DCP1A: variants seen among roughly 807,000 people sequenced by gnomAD.
The protein encoded by DCP1A is mRNA-decapping enzyme 1A.
In DCP1A, 20 loss-of-function variants were observed where a neutral mutation model predicts 58.0. That is an observed-to-expected ratio of 0.34 (90% confidence interval 0.24 to 0.50). DCP1A has a LOEUF of 0.50. Among genes scored for constraint, DCP1A ranks in the 20% least tolerant of loss-of-function variants. DCP1A has a pLI of 0.98. For synonymous variants in DCP1A, 285 were observed against 275.1 expected, an observed-to-expected ratio of 1.04 and a Z score of -0.36; for missense variants, 613 against 712.2, an observed-to-expected ratio of 0.86 and a Z score of 1.59.
chr3:53,309,774 G>C (rs1707589272), intron 5 of DCP1A, among the ~76,000 whole-genome samples: 2 of 152,154 alleles, frequency 1.3e-5, no homozygotes, highest in Admixed American at 6.5e-5. Context: ...AAAAAGAAAA[G>C]AGTCTCATTA....
rs1416020656 is a variant in DCP1A at position 53,304,467 on chromosome 3, AC to A, written c.511-178del. ...AATAACATGCAATAAAATTTCTAGA[AC>A]ATTGAGCACCTAATTTTAGACAACA... is the stretch of plus-strand genomic sequence containing the variant. On this transcript the variant is annotated intron_variant, in intron 5 of 9. Coordinates refer to ENST00000610213, the MANE Select transcript of DCP1A (RefSeq NM_018403.7). 2.6e-5 allele frequency among the ~76,000 whole-genome samples: 4 copies of A among 152,328 alleles called. No homozygotes were observed. The East Asian group carries it at 7.7e-4, about 29-fold the overall frequency.
At chr3:53,334,767 G>A (rs546235726) in intron 3 of DCP1A, among the ~76,000 whole-genome samples, 6 of 152,266 alleles carry the variant, frequency 3.9e-5, no homozygotes, top group Admixed American at 6.5e-5. Context: ...CCCGTCACGC[G>A]CTGCAAATGC....
At chr3:53,346,548 G>T (rs2089293926) in intron 1 of DCP1A, among the ~76,000 whole-genome samples, 2 of 152,128 alleles carry the variant, frequency 1.3e-5, no homozygotes, top group African/African-American at 4.8e-5. Context: ...ATTAGGAAGG[G>T]TCAATTACAA....
chr3:53,308,667 C>A (rs1707548510), intron 5 of DCP1A, among the ~76,000 whole-genome samples: 1 of 152,116 alleles, frequency 6.6e-6, no homozygotes, highest in Non-Finnish European at 1.5e-5. Flanking sequence ...AATCATGGCT[C>A]ACTGCAGCCT....
intron 3 of DCP1A, among the ~76,000 whole-genome samples, chr3:53,341,818 G>A (rs781937621): frequency 5.9e-5 from 9 of 151,920 alleles, no homozygotes; most frequent in Non-Finnish European, 8.8e-5. Flanking sequence ...GATTACAGGC[G>A]CCTGCCACCA....
chr3:53,304,103 T>A, intron 6 of DCP1A, 74 bp downstream of exon 6: 1 of 1,093,114 alleles, frequency 9.1e-7, no homozygotes, highest in Non-Finnish European at 1.4e-6. Context: ...AAATCAAACT[T>A]GCACTCATTA....
intron 1 of DCP1A, 136 bp from the exon 2 acceptor site, chr3:53,345,078 A>AGGTAAAGTCTCC (rs2089276157): frequency 1.5e-6 from 1 of 665,132 alleles, no homozygotes; most frequent in Admixed American, 3.4e-5. Context: ...ACTTTTGAAC[A>AGGTAAAGTCTCC]GGTAAAGTCT....
intron 5 of DCP1A, among the ~76,000 whole-genome samples, chr3:53,309,788 C>T (rs1707589709): frequency 6.6e-6 from 1 of 152,210 alleles, no homozygotes; most frequent in South Asian, 2.1e-4. Context: ...CTCATTATTA[C>T]AAGTGCTCAT....
chr3:53,288,646 G>A (rs1706736528), intron 8 of DCP1A, among the ~76,000 whole-genome samples: 1 of 152,168 alleles, frequency 6.6e-6, no homozygotes, highest in African/African-American at 2.4e-5. Flanking sequence ...AATGACTGAA[G>A]AGGACATGAG....
In DCP1A at chr3:53,347,453, T is replaced by C. The variant is rs781953979; in HGVS notation, c.65A>G (p.Tyr22Cys). Reference protein sequence around the residue: ...SLAALKQHDPYITSIADLTGQ... With the variant: ...SLAALKQHDPCITSIADLTGQ... ...CGTGAGGTCTGCGATGCTGGTGATA[T>C]AGGGGTCGTGTTGCTTCAGGGCCGC... Residue 22 changes from tyrosine to cysteine, a missense_variant, in exon 1 of 10, where the codon TAT (tyrosine) becomes TGT (cysteine). By Grantham distance (194) the Tyr-to-Cys change is radical. Coordinates refer to ENST00000610213, the MANE Select transcript of DCP1A (RefSeq NM_018403.7). The C allele has an allele frequency of 1.5e-5, 24 of 1,613,544 alleles. No individual in the cohort carries two copies. Among genetic ancestry groups the C allele is most frequent in the Non-Finnish European group, 1.8e-5 (21 of 1,179,718 alleles).
rs189414654 is a variant in DCP1A, at chr3:53,332,700, T to C, written c.304+9444A>G. Among the ~76,000 whole-genome samples the C allele has an allele frequency of 5.8e-3, 888 of 152,064 alleles. 6 individuals are homozygous for C. The highest frequency in any genetic ancestry group is 0.02 in the African/African-American group (831 of 41,478). On this transcript the variant is annotated intron_variant, in intron 3 of 9. Transcript: ENST00000610213. ...TAACACAGTGAAACCCCATCTTTAC[T>C]AAAAATACCAAAAAATTAGCCGGGT... is the stretch of plus-strand genomic sequence containing the variant.
At chr3:53,303,093 G>A (rs1267535501) in intron 6 of DCP1A, among the ~76,000 whole-genome samples, 2 of 151,772 alleles carry the variant, frequency 1.3e-5, no homozygotes, top group Non-Finnish European at 2.9e-5. Flanking sequence ...GGGACCACAG[G>A]TGCATGACAT....
In DCP1A at chr3:53,326,987, C is replaced by A. The variant is rs879989589; in HGVS notation, c.305-7514G>T. On this transcript the variant is annotated intron_variant, in intron 3 of 9. Transcript: ENST00000610213. ...GTTGGACATGTCCAACCCCCCCCCC[C>A]CAACTGGTATTCTAGTCGCTCTAGT... Among the ~76,000 whole-genome samples the A allele has an allele frequency of 8.6e-5, 13 of 150,968 alleles. 1 individual carries two copies. The highest frequency in any genetic ancestry group is 2.2e-4 in the South Asian group (1 of 4,630).
At chr3:53,308,898 G>A (rs1553688371) in intron 5 of DCP1A, among the ~76,000 whole-genome samples, 1 of 152,040 alleles carries the variant, frequency 6.6e-6, no homozygotes, top group Non-Finnish European at 1.5e-5. Flanking sequence ...ACTGTGTCTG[G>A]CCTCTATTTT....
intron 5 of DCP1A, among the ~76,000 whole-genome samples, chr3:53,305,115 A>G (rs1439485296): frequency 6.6e-6 from 1 of 152,182 alleles, no homozygotes; most frequent in Non-Finnish European, 1.5e-5. Context: ...TAAATGAAAT[A>G]TAAGTAGAAT....
In DCP1A at chr3:53,283,992, A is replaced by C. The variant is rs1478058641; in HGVS notation, c.*3588T>G. The C allele has an allele frequency of 6.6e-6, 1 of 152,202 alleles. No homozygotes were observed. The highest frequency in any genetic ancestry group is 2.1e-4 in the South Asian group (1 of 4,834). 9.4% of individuals were successfully genotyped at this position (152,202 alleles called of 1,614,324 possible). ...GTGTAAGCTGCTTGACTTTGCTCAGATCTTAGCATTTTAGAGACTTGAGAA... is the reference window on the plus strand; with the variant it reads ...GTGTAAGCTGCTTGACTTTGCTCAGCTCTTAGCATTTTAGAGACTTGAGAA... On this transcript the variant is annotated 3_prime_UTR_variant, in exon 10 of 10. Coordinates refer to ENST00000610213, the MANE Select transcript of DCP1A (RefSeq NM_018403.7).
At chr3:53,304,149 A>G in intron 6 of DCP1A, 28 bp downstream of exon 6, 1 of 1,516,480 alleles carries the variant, frequency 6.6e-7, no homozygotes, top group South Asian at 1.1e-5. Flanking sequence ...GTTACTTAGG[A>G]CAAAGCTAGA....
At position 53,285,603 on chromosome 3, in the gene DCP1A, T is replaced by C. The variant is rs1553685022; in HGVS notation, c.*1977A>G. ...TCATATCCATTCCTAGCATTAAAGG[T>C]GAAAATTAGTATGATCACAGACTCT... On this transcript the variant is annotated 3_prime_UTR_variant, in exon 10 of 10. Coordinates refer to ENST00000610213, the MANE Select transcript of DCP1A (RefSeq NM_018403.7). 1 of 152,144 alleles carries C rather than the reference T, an allele frequency of 6.6e-6. No homozygotes were observed. Among genetic ancestry groups the C allele is most frequent in the Non-Finnish European group, 1.5e-5 (1 of 68,028 alleles). The allele number at this position is 152,144 out of a possible 1,614,324, so 9.4% of individuals were successfully genotyped here.
chr3:53,326,864 C>A (rs1034951893), intron 3 of DCP1A, among the ~76,000 whole-genome samples: 3 of 152,082 alleles, frequency 2.0e-5, no homozygotes, highest in Non-Finnish European at 4.4e-5. Context: ...AACAATCCCC[C>A]AATCCCCGTC....
Sources: gnomAD v4.1 joint callset for allele counts (sites outside exome capture counted in the v4.1 genomes callset) on GRCh38, gnomAD v4.1.1 for gene constraint, MANE v1.5 for transcripts, NCBI Gene and HGNC (gene_info 2026-07-23, HGNC 2026-07-21) for gene names.